GCNT1: variants seen among roughly 807,000 people sequenced by gnomAD.
The protein encoded by GCNT1 is glucosaminyl (N-acetyl) transferase 1, also known as beta-1,3-galactosyl-O-glycosyl-glycoprotein beta-1,6-N-acetylglucosaminyltransferase.
In GCNT1, 16 loss-of-function variants were observed where a neutral mutation model predicts 26.2. That is an observed-to-expected ratio of 0.61 (90% CI 0.41 to 0.93). GCNT1 has a LOEUF of 0.93. GCNT1 is among the 40% of genes least tolerant of loss of function. GCNT1 has a pLI of 0.00. For missense variants in GCNT1, 477 were observed against 526.7 expected, an observed-to-expected ratio of 0.91 and a Z score of 0.92; for synonymous variants, 183 against 190.8, an observed-to-expected ratio of 0.96 and a Z score of 0.34.
chr9:76,475,523 T>C (rs1228845085), intron 2 of GCNT1, among the ~76,000 whole-genome samples: 1 of 152,176 alleles, frequency 6.6e-6, no homozygotes, highest in African/African-American at 2.4e-5. Flanking sequence ...TATTTGGACA[T>C]TTGATGTTTT....
the GCNT1 span, chr9:76,398,705 G>A: frequency 5.8e-5 from 74 of 1,277,430 alleles, no homozygotes; most frequent in East Asian, 1.4e-3. Context: ...CACAATGTCC[G>A]GAGCCCTTGA....
At chr9:76,403,121 T>C in the GCNT1 span, among the ~76,000 whole-genome samples, 3 of 152,152 alleles carry the variant, frequency 2.0e-5, no homozygotes, top group African/African-American at 4.8e-5. Context: ...CTCTGGAAAA[T>C]TAGATTCTAA....
intron 2 of GCNT1, among the ~76,000 whole-genome samples, chr9:76,487,066 A>G (rs1330541907): frequency 1.3e-5 from 2 of 152,218 alleles, no homozygotes; most frequent in Non-Finnish European, 2.9e-5. Context: ...GCAGGGAGTC[A>G]CAGACAGGTA....
At chr9:76,487,220 T>C (rs542522836) in intron 2 of GCNT1, among the ~76,000 whole-genome samples, 5 of 152,322 alleles carry the variant, frequency 3.3e-5, no homozygotes, top group African/African-American at 1.2e-4. Flanking sequence ...ATCTTACCTG[T>C]TTCCTGCTCC....
chr9:76,480,835 A>G (rs1012128461), intron 2 of GCNT1, among the ~76,000 whole-genome samples: 2 of 152,208 alleles, frequency 1.3e-5, no homozygotes, highest in African/African-American at 4.8e-5. Flanking sequence ...AACTACACAG[A>G]TGAAACCTAA....
intron 1 of GCNT1, among the ~76,000 whole-genome samples, chr9:76,449,811 T>G (rs1280943118): frequency 6.6e-6 from 1 of 152,142 alleles, no homozygotes; most frequent in Non-Finnish European, 1.5e-5. Flanking sequence ...TGAGACAGAG[T>G]CTCACCCTGT....
At chr9:76,404,672 A>C in the GCNT1 span, among the ~76,000 whole-genome samples, 2 of 152,216 alleles carry the variant, frequency 1.3e-5, no homozygotes, top group Non-Finnish European at 2.9e-5. Flanking sequence ...ATATAAGTCC[A>C]GCTACCCTTC....
At chr9:76,460,735 C>T (rs1402989290) in intron 2 of GCNT1, among the ~76,000 whole-genome samples, 1 of 149,404 alleles carries the variant, frequency 6.7e-6, no homozygotes, top group Non-Finnish European at 1.5e-5. Flanking sequence ...TACAATATAC[C>T]AAACTATGAA....
At chr9:76,482,299 T>A (rs1824442722) in intron 2 of GCNT1, among the ~76,000 whole-genome samples, 3 of 151,528 alleles carry the variant, frequency 2.0e-5, no homozygotes, top group Admixed American at 2.0e-4. Flanking sequence ...ATGTGAGAAA[T>A]AAAATTTTCT....
At chr9:76,420,082 A>G (rs1420332258) in intron 1 of GCNT1, 1 of 152,230 alleles carries the variant, frequency 6.6e-6, no homozygotes, top group African/African-American at 2.4e-5. Context: ...CTGATTTGCA[A>G]ACTTTCATTC....
chr9:76,439,549 A>T (rs1823454081), upstream of GCNT1, among the ~76,000 whole-genome samples: 1 of 98,048 alleles, frequency 1.0e-5, no homozygotes, highest in Non-Finnish European at 2.2e-5. Context: ...AAAAAGGAAA[A>T]GAAAAAATGA....
intron 2 of GCNT1, among the ~76,000 whole-genome samples, chr9:76,473,285 C>T (rs993400403): frequency 2.0e-5 from 3 of 152,110 alleles, no homozygotes; most frequent in Non-Finnish European, 4.4e-5. Context: ...GAGTGAATTC[C>T]TGGAGAGCAG....
chr9:76,410,645 G>A, the GCNT1 span, among the ~76,000 whole-genome samples: 1 of 152,124 alleles, frequency 6.6e-6, no homozygotes, highest in Non-Finnish European at 1.5e-5. Context: ...TTTTTAAGGT[G>A]TGTTTTAGGA....
intron 1 of GCNT1, among the ~76,000 whole-genome samples, chr9:76,443,494 T>C (rs1009951182): frequency 6.6e-6 from 1 of 152,270 alleles, no homozygotes. Context: ...AGGCACAGAT[T>C]GCTCATGCTA....
rs532132124 is a variant in GCNT1 at position 76,447,151 on chromosome 9, CAAAAAAAAAAAAAAAA to C, written c.-290+4850_-290+4865del. Reference sequence around the variant, plus strand: ...TCCTGGGCAGAGTGAAACCCTGTGTCAAAAAAAAAAAAAAAAAAAAAAAAAAAAAGAACAGATATGG... The same window carrying C: ...TCCTGGGCAGAGTGAAACCCTGTGTCAAAAAAAAAAAAAGAACAGATATGG... On this transcript the variant is annotated intron_variant, in intron 1 of 2. Coordinates refer to the GCNT1 transcript ENST00000442371. Among the ~76,000 whole-genome samples the C allele has an allele frequency of 1.1e-4, 4 of 35,992 alleles. No homozygotes were observed. The Admixed American group carries it at 1.5e-3, about 13-fold the overall frequency. The allele number at this position is 35,992 out of a possible 152,430, so 23.6% of individuals were successfully genotyped here. A position where few individuals can be genotyped will look rare whatever the true frequency, so the allele number is the denominator to read the frequency against.
chr9:76,482,465 C>CAA (rs372319716), intron 2 of GCNT1, among the ~76,000 whole-genome samples: 5 of 147,882 alleles, frequency 3.4e-5, no homozygotes, highest in Non-Finnish European at 6.0e-5. Context: ...ACTAAAAATA[C>CAA]AAAAAAAAAT....
At chr9:76,418,139 C>T (rs1481032481), upstream of GCNT1, among the ~76,000 whole-genome samples, 1 of 152,002 alleles carries the variant, frequency 6.6e-6, no homozygotes, top group Non-Finnish European at 1.5e-5. Flanking sequence ...TCCAAGTGGG[C>T]AGAGAGGGGA....
chr9:76,479,972 G>A (rs1482986170), intron 2 of GCNT1, among the ~76,000 whole-genome samples: 1 of 152,124 alleles, frequency 6.6e-6, no homozygotes, highest in Non-Finnish European at 1.5e-5. Context: ...TTCTTCTAGG[G>A]TTTTTATGGT....
At chr9:76,440,188 A>G (rs746180264), upstream of GCNT1, among the ~76,000 whole-genome samples, 10 of 152,042 alleles carry the variant, frequency 6.6e-5, no homozygotes, top group Non-Finnish European at 1.5e-5. Flanking sequence ...TTGGCTCAGC[A>G]TCTCTTCCTG....
Sources: allele counts gnomAD v4.1 joint callset (sites outside exome capture counted in the v4.1 genomes callset), GRCh38; gene constraint gnomAD v4.1.1; transcripts MANE v1.5; gene names NCBI Gene and HGNC (gene_info 2026-07-23, HGNC 2026-07-21).